Variants in VEPH1 observed in about 807,000 individuals in gnomAD.
VEPH1 encodes ventricular zone expressed PH domain containing 1.
In VEPH1, 80 loss-of-function variants were observed where a neutral mutation model predicts 85.2. The ratio of observed to expected loss-of-function variants is 0.94; its 90% CI spans 0.78 to 1.13. VEPH1 has a LOEUF of 1.13. Ranked by LOEUF, VEPH1 falls within the 50% of genes most tolerant of loss-of-function variation. The pLI is 0.00. For missense variants in VEPH1, 955 were observed against 980.5 expected (o/e 0.97, Z 0.35); for synonymous variants, 297 against 348.0 (o/e 0.85, Z 1.63).
intron 11 of VEPH1, among the ~76,000 whole-genome samples, chr3:157,296,924 C>T (rs964540294): frequency 6.6e-6 from 1 of 152,182 alleles, no homozygotes; most frequent in Non-Finnish European, 1.5e-5. Flanking sequence ...TTGCCACAAT[C>T]AATTAATGGA....
intron 4 of VEPH1, among the ~76,000 whole-genome samples, chr3:157,456,096 G>A (rs1388342004): frequency 6.6e-6 from 1 of 151,894 alleles, no homozygotes; most frequent in Non-Finnish European, 1.5e-5. Flanking sequence ...ATCTCATTGT[G>A]GTTTTGATTT....
At chr3:157,355,922 C>G (rs896649915) in intron 9 of VEPH1, among the ~76,000 whole-genome samples, 3 of 141,512 alleles carry the variant, frequency 2.1e-5, no homozygotes, top group Non-Finnish European at 4.5e-5. Flanking sequence ...TTTTTTGAGA[C>G]TGGGTCTCTC....
chr3:157,329,235 C>T (rs1165554369), intron 9 of VEPH1, among the ~76,000 whole-genome samples: 2 of 152,124 alleles, frequency 1.3e-5, no homozygotes, highest in African/African-American at 4.8e-5. Context: ...TTATGTGGCA[C>T]ATTCCCATCC....
In VEPH1 at chr3:157,329,621, C is replaced by CTT. The variant is rs35707587; in HGVS notation, c.1736-12422_1736-12421dup. Reference sequence around the variant, plus strand: ...CATAATTAATATTAAACAGAGTTGCCTTTTTTTTTTTACTATTTCTGATTA... The same window carrying CTT: ...CATAATTAATATTAAACAGAGTTGCCTTTTTTTTTTTTTACTATTTCTGATTA... On this transcript the variant is annotated intron_variant, in intron 9 of 13. Transcript: ENST00000362010. Among the ~76,000 whole-genome samples the CTT allele has an allele frequency of 3.4e-4, 50 of 146,166 alleles. 1 individual carries two copies. The East Asian group carries it at 7.9e-3, about 23-fold the overall frequency.
chr3:157,437,771 G>A (rs1733742213), intron 4 of VEPH1: 4 of 1,484,324 alleles, frequency 2.7e-6, no homozygotes, highest in Non-Finnish European at 3.5e-6. Flanking sequence ...GCGGGCCGCA[G>A]GCTGGCGCGT....
At chr3:157,459,670 A>C (rs1379831219) in intron 4 of VEPH1, 1 of 1,352,124 alleles carries the variant, frequency 7.4e-7, no homozygotes, top group East Asian at 2.7e-5. Context: ...TGTTGTAACA[A>C]TTAACAGAGG....
intron 6 of VEPH1, among the ~76,000 whole-genome samples, chr3:157,408,491 T>G (rs533840603): frequency 6.6e-6 from 1 of 152,304 alleles, no homozygotes; most frequent in Admixed American, 6.5e-5. Flanking sequence ...TCTCAAGTAC[T>G]CATTCAGTCT....
intron 1 of VEPH1, among the ~76,000 whole-genome samples, chr3:157,502,573 T>G (rs1284382504): frequency 6.6e-6 from 1 of 152,226 alleles, no homozygotes; most frequent in Non-Finnish European, 1.5e-5. Context: ...GAAAACTCAA[T>G]GTTAAATGTA....
chr3:157,429,545 T>C (rs1169934774), intron 4 of VEPH1, among the ~76,000 whole-genome samples: 1 of 152,216 alleles, frequency 6.6e-6, no homozygotes, highest in African/African-American at 2.4e-5. Flanking sequence ...AAAATGAGAA[T>C]TGTTTTTTCC....
At chr3:157,404,853 T>C (rs1731034473) in intron 6 of VEPH1, among the ~76,000 whole-genome samples, 1 of 152,182 alleles carries the variant, frequency 6.6e-6, no homozygotes, top group Non-Finnish European at 1.5e-5. Context: ...CCTGCTATCA[T>C]CTTAAAAGAG....
At chr3:157,415,266 G>C (rs1437887738) in intron 5 of VEPH1, 1 of 152,060 alleles carries the variant, frequency 6.6e-6, no homozygotes, top group African/African-American at 2.4e-5. Flanking sequence ...CTTCCTATTT[G>C]CAAGCTGTAG....
At chr3:157,336,659 G>C (rs1460498663) in intron 9 of VEPH1, among the ~76,000 whole-genome samples, 1 of 151,998 alleles carries the variant, frequency 6.6e-6, no homozygotes, top group African/African-American at 2.4e-5. Flanking sequence ...TTTACCAGAA[G>C]TCTCGCATGG....
At chr3:157,384,505 AT>A in intron 6 of VEPH1, among the ~76,000 whole-genome samples, 1 of 152,336 alleles carries the variant, frequency 6.6e-6, no homozygotes, top group African/African-American at 2.4e-5. Flanking sequence ...TTCATTAAGA[AT>A]CCTTCTCACT....
intron 4 of VEPH1, chr3:157,438,027 GCGCGCGCGCGCA>G (rs1455963978): frequency 1.1e-5 from 9 of 828,124 alleles, no homozygotes; most frequent in East Asian, 3.2e-5. Flanking sequence ...GGAAGCGCGC[GCGCGCGCGCGCA>G]CACACACACA....
At position 157,442,520 on chromosome 3, in the gene VEPH1, A is replaced by T. The variant is rs16827644; in HGVS notation, c.530-14032T>A. 1.6e-3 allele frequency: 2,645 copies of T among 1,614,200 alleles called. 35 individuals carry two copies. Among genetic ancestry groups the T allele is most frequent in the South Asian group, 0.015 (1,346 of 91,082 alleles). On this transcript the variant is annotated intron_variant, in intron 4 of 13. Coordinates refer to ENST00000362010, the MANE Select transcript of VEPH1 (RefSeq NM_001167912.2). The stretch of plus-strand genomic sequence containing the variant: ...AAACCATCCTGTTTTCCTATGGCAC[A>T]AAGAGGAATCCATATGAAATCCAGC...
chr3:157,351,495 A>G (rs1164613325), intron 9 of VEPH1, among the ~76,000 whole-genome samples: 1 of 152,200 alleles, frequency 6.6e-6, no homozygotes, highest in Non-Finnish European at 1.5e-5. Flanking sequence ...CACTTGGCCC[A>G]TCTCCTCAAT....
chr3:157,499,119 A>G (rs535559432), intron 1 of VEPH1, among the ~76,000 whole-genome samples: 1 of 152,320 alleles, frequency 6.6e-6, no homozygotes, highest in African/African-American at 2.4e-5. Context: ...CCAGACTCCA[A>G]AATCTCATAT....
rs536535997 is a variant in VEPH1 at position 157,396,662 on chromosome 3, T to C, written c.907-15286A>G. ...ACTGGTGTGAGATGATATCTCATTG[T>C]GGTTTTGATCCGCATTTCTTTAATG... On this transcript the variant is annotated intron_variant, in intron 6 of 13. Coordinates refer to ENST00000362010, the MANE Select transcript of VEPH1 (RefSeq NM_001167912.2). 2.6e-5 allele frequency among the ~76,000 whole-genome samples: 4 copies of C among 152,358 alleles called. No individual in the cohort carries two copies. The East Asian group carries it at 7.7e-4, about 29-fold the overall frequency.
chr3:157,472,514 A>AT (rs985439777), intron 2 of VEPH1, among the ~76,000 whole-genome samples: 1 of 151,682 alleles, frequency 6.6e-6, no homozygotes, highest in Non-Finnish European at 1.5e-5. Flanking sequence ...AAGCTTCAGA[A>AT]TTTTTTTTTA....
Sources: allele counts gnomAD v4.1 joint callset (sites outside exome capture counted in the v4.1 genomes callset), GRCh38; gene constraint gnomAD v4.1.1; transcripts MANE v1.5; gene names NCBI Gene and HGNC (gene_info 2026-07-23, HGNC 2026-07-21).